The following DPF2 variants were observed in gnomAD, a reference collection of about 807,000 sequenced individuals.
The protein encoded by DPF2 is zinc finger protein ubi-d4.
A neutral mutation model predicts 59.6 loss-of-function variants in DPF2; 10 were observed. The observed-to-expected ratio is 0.17, with a 90% CI of 0.10 to 0.28. DPF2 has a LOEUF of 0.28. DPF2 is among the 10% of genes least tolerant of loss of function. The pLI, the probability that DPF2 is intolerant of heterozygous loss-of-function variation, is 1.00. For missense variants in DPF2, 315 were observed against 509.4 expected (o/e 0.62, Z 3.67); for synonymous variants, 189 against 190.6 (o/e 0.99, Z 0.07).
Position 65,341,508 on chromosome 11 carries a change from A to C in DPF2, c.411A>C (p.Arg137=), listed in dbSNP as rs1466573653. The part of the protein sequence containing the change: ...PLEKRGAPDP[R]VDDDSLGEFP... ...AGAAGCGAGGTGCCCCGGATCCCCG[A>C]GTTGATGATGACAGCCTGGGCGAGT... Residue 137 remains arginine (R), a synonymous_variant, in exon 4 of 11, where the codon CGA becomes CGC. Transcript: ENST00000528416. The C allele has an allele frequency of 6.2e-7, 1 of 1,614,188 alleles. No homozygotes were observed. Among genetic ancestry groups the C allele is most frequent in the Admixed American group, 1.7e-5 (1 of 60,016 alleles).
In DPF2 at chr11:65,353,453, G is replaced by C. The variant is rs1854782627; in HGVS notation, c.*1694G>C. Among the ~76,000 whole-genome samples the C allele has an allele frequency of 6.6e-6, 1 of 152,174 alleles. No individual in the cohort carries two copies. The highest frequency in any genetic ancestry group is 2.4e-5 in the African/African-American group (1 of 41,444). ...CACACAAAAGTTCTTGCAGGAGCAGGGTCTGTGTGGCTTCAGTTGCCTGCA... is the reference window on the plus strand; with the variant it reads ...CACACAAAAGTTCTTGCAGGAGCAGCGTCTGTGTGGCTTCAGTTGCCTGCA... On this transcript the variant is annotated 3_prime_UTR_variant, in exon 11 of 11. Transcript: ENST00000528416.
chr11:65,335,575 A>G (rs1007900455), intron 1 of DPF2, among the ~76,000 whole-genome samples: 2 of 152,198 alleles, frequency 1.3e-5, no homozygotes, highest in African/African-American at 4.8e-5. Flanking sequence ...ATCACCAGCC[A>G]CTAATTCCTG....
chr11:65,344,547 C>T (rs1327872271), intron 6 of DPF2: 6 of 1,533,544 alleles, frequency 3.9e-6, no homozygotes, highest in Non-Finnish European at 5.2e-6. Flanking sequence ...GTATCAAGGC[C>T]TTCTTCTCAT....
At chr11:65,347,414 T>C (rs1144926) in intron 9 of DPF2, 122,028 of 151,744 alleles carry the variant, frequency 0.8, 49,591 homozygotes, top group South Asian at 0.87. Flanking sequence ...ACTAAAACCT[T>C]TCCCTTCAGG....
At position 65,354,021 on chromosome 11, in the gene DPF2, A is replaced by C. The variant is rs1854795523; in HGVS notation, c.*2262A>C. On this transcript the variant is annotated 3_prime_UTR_variant, in exon 11 of 11. Coordinates refer to ENST00000528416, the MANE Select transcript of DPF2 (RefSeq NM_006268.5). ...AGGTAGGATTTGAGATGGGTCTTGGAGAGTTGGACAGTGTCAGCCGGTAGG... is the reference window on the plus strand; with the variant it reads ...AGGTAGGATTTGAGATGGGTCTTGGCGAGTTGGACAGTGTCAGCCGGTAGG... 1.3e-5 allele frequency among the ~76,000 whole-genome samples: 2 copies of C among 152,156 alleles called. No homozygotes were observed. The highest frequency in any genetic ancestry group is 1.3e-4 in the Admixed American group (2 of 15,274).
intron 1 of DPF2, among the ~76,000 whole-genome samples, chr11:65,337,813 AT>A (rs981772412): frequency 6.7e-6 from 1 of 148,392 alleles, no homozygotes; most frequent in Non-Finnish European, 1.5e-5. Context: ...TTTTAATTTT[AT>A]TTTTTTTGAG....
At chr11:65,338,967 T>TC (rs1228317966) in intron 1 of DPF2, among the ~76,000 whole-genome samples, 1 of 152,146 alleles carries the variant, frequency 6.6e-6, no homozygotes, top group African/African-American at 2.4e-5. Context: ...GTAACCAAGG[T>TC]CCACCTGGGC....
chr11:65,340,490 C>T lies in DPF2; in HGVS notation c.138C>T (p.Thr46=), dbSNP rs139698375. 70 of 1,614,116 alleles carry T rather than the reference C, an allele frequency of 4.3e-5. No homozygotes were observed. The Middle Eastern group carries it at 6.6e-4, about 15-fold the overall frequency. Residue 46 remains threonine, a synonymous_variant, in exon 2 of 11, where the codon ACC becomes ACT. Transcript: ENST00000528416. The part of the protein sequence containing the change: ...SVRLPFLDSQ[T]GVAQSNCYIW... ...GCCTGCCTTTCTTGGACTCACAGAC[C>T]GGAGTAGCCCAGAGCAATTGTTACA...
In DPF2 at chr11:65,352,234, C is replaced by T. The variant is rs1243197463; in HGVS notation, c.*475C>T. ...CAAGGAGCTTTTCATGCCCCTGTGC[C>T]GCATAGCCTCACCTCTTTCCTCCAG... On this transcript the variant is annotated 3_prime_UTR_variant, in exon 11 of 11. Transcript: ENST00000528416. 4.6e-5 allele frequency: 8 copies of T among 174,960 alleles called. No homozygotes were observed. The highest frequency in any genetic ancestry group is 2.6e-4 in the South Asian group (2 of 7,790). 10.8% of individuals were successfully genotyped at this position (174,960 alleles called of 1,614,324 possible). A position where few individuals can be genotyped will look rare whatever the true frequency, so the allele number is the denominator to read the frequency against.
intron 1 of DPF2, among the ~76,000 whole-genome samples, chr11:65,338,424 T>C (rs1458478581): frequency 6.6e-6 from 1 of 152,242 alleles, no homozygotes; most frequent in Admixed American, 6.5e-5. Flanking sequence ...CAAAACTGTT[T>C]CCAGCCTCCT....
chr11:65,339,874 T>C (rs901715973), intron 1 of DPF2, among the ~76,000 whole-genome samples: 1 of 152,240 alleles, frequency 6.6e-6, no homozygotes, highest in African/African-American at 2.4e-5. Flanking sequence ...GGATTTACCA[T>C]AGTTTGCTAA....
intron 1 of DPF2, among the ~76,000 whole-genome samples, chr11:65,337,757 A>G (rs1854242619): frequency 6.6e-6 from 1 of 151,786 alleles, no homozygotes; most frequent in African/African-American, 2.4e-5. Context: ...ACAGGCATGC[A>G]TCACTAAGCC....
At chr11:65,341,247 A>C in intron 3 of DPF2, 152 bp from the exon 4 acceptor site, 1 of 1,275,472 alleles carries the variant, frequency 7.8e-7, no homozygotes, top group African/African-American at 1.5e-5. Context: ...CAGATAAGTT[A>C]TGGTGCCAAG....
At chr11:65,337,542 GAGAGA>G (rs1854232298) in intron 1 of DPF2, among the ~76,000 whole-genome samples, 5 of 129,170 alleles carry the variant, frequency 3.9e-5, no homozygotes, top group African/African-American at 1.5e-4. Flanking sequence ...GAGAGAGAGA[GAGAGA>G]ACAATGTTAA....
rs1387923647 is a variant in DPF2 at position 65,353,815 on chromosome 11, TTG to T, written c.*2061_*2062del. Among the ~76,000 whole-genome samples the T allele has an allele frequency of 6.6e-6, 1 of 152,004 alleles. No homozygotes were observed. The highest frequency in any genetic ancestry group is 1.5e-5 in the Non-Finnish European group (1 of 68,018). On this transcript the variant is annotated 3_prime_UTR_variant, in exon 11 of 11. Transcript: ENST00000528416. ...TAAGCAGGGTGCTCTGGGCTGGGGA[TTG>T]TGTGAGGAGCAGAGCGCAGCCCGTC...
intron 6 of DPF2, chr11:65,344,339 A>G (rs1057448898): frequency 4.6e-5 from 28 of 611,594 alleles, no homozygotes; most frequent in Middle Eastern, 8.6e-4. Flanking sequence ...TGGCCTCTCA[A>G]CAGATGGCCT....
intron 2 of DPF2, 142 bp from the exon 3 acceptor site, chr11:65,340,824 C>A: frequency 2.3e-6 from 2 of 882,774 alleles, no homozygotes; most frequent in Non-Finnish European, 3.4e-6. Context: ...ACAGACTATT[C>A]CACCTAACCC....
intron 4 of DPF2, among the ~76,000 whole-genome samples, chr11:65,343,069 G>A (rs1457605703): frequency 6.6e-6 from 1 of 151,692 alleles, no homozygotes; most frequent in Non-Finnish European, 1.5e-5. Flanking sequence ...GGAGGCCGAG[G>A]CAGTTGGATC....
Position 65,352,997 on chromosome 11 carries a change from T to C in DPF2, c.*1238T>C, listed in dbSNP as rs1854769169. The C allele has an allele frequency of 6.6e-6, 1 of 152,082 alleles. No homozygotes were observed. Among genetic ancestry groups the C allele is most frequent in the Non-Finnish European group, 1.5e-5 (1 of 68,022 alleles). The allele number at this position is 152,082 out of a possible 1,614,324, so 9.4% of individuals were successfully genotyped here. On this transcript the variant is annotated 3_prime_UTR_variant, in exon 11 of 11. Transcript: ENST00000528416. ...TTACACAGAGCCCTCTGCTGGATGG[T>C]TTATCTCCTGCCTTTCTCCATTAAG...
Sources: allele counts gnomAD v4.1 joint callset (sites outside exome capture counted in the v4.1 genomes callset), GRCh38; gene constraint gnomAD v4.1.1; transcripts MANE v1.5; gene names NCBI Gene and HGNC (gene_info 2026-07-23, HGNC 2026-07-21).